The following ZKSCAN1 variants were observed in gnomAD, a reference collection of about 807,000 sequenced individuals.
The protein encoded by ZKSCAN1 is zinc finger protein with KRAB and SCAN domains 1.
A neutral mutation model predicts 51.6 loss-of-function variants in ZKSCAN1; 14 were observed. The ratio of observed to expected loss-of-function variants is 0.27; its 90% CI spans 0.18 to 0.42. ZKSCAN1 has a LOEUF of 0.42. Among genes scored for constraint, ZKSCAN1 ranks in the 10% least tolerant of loss-of-function variants. The pLI is 1.00. For missense variants in ZKSCAN1, 531 were observed against 710.0 expected (o/e 0.75, Z 2.86); for synonymous variants, 263 against 261.5 (o/e 1.01, Z -0.06).
chr7:100,022,162 C>T (rs997483157), intron 1 of ZKSCAN1, among the ~76,000 whole-genome samples: 1 of 152,220 alleles, frequency 6.6e-6, no homozygotes, highest in Non-Finnish European at 1.5e-5. Context: ...TCAAGTGATT[C>T]TCCTTCCTCA....
intron 1 of ZKSCAN1, among the ~76,000 whole-genome samples, chr7:100,017,267 G>C (rs1324994834): frequency 6.6e-6 from 1 of 151,924 alleles, no homozygotes; most frequent in Non-Finnish European, 1.5e-5. Context: ...CTGTCGCCCA[G>C]GCTGGAGTGC....
At chr7:100,016,365 G>C (rs1475681757) in intron 1 of ZKSCAN1, among the ~76,000 whole-genome samples, 1 of 152,096 alleles carries the variant, frequency 6.6e-6, no homozygotes. Flanking sequence ...TGCTTTGAAG[G>C]CTTTGGAAAA....
chr7:100,030,416 G>A (rs1183958452), intron 5 of ZKSCAN1, 41 bp downstream of exon 5: 5 of 1,588,598 alleles, frequency 3.1e-6, no homozygotes, highest in Non-Finnish European at 4.3e-6. Flanking sequence ...AGATGGTTTT[G>A]TCTCTCTGTG....
Position 100,023,725 on chromosome 7 carries a change from T to G in ZKSCAN1, c.219T>G (p.Ala73=). The change falls in exon 2 of 6, where the codon GCT becomes GCG. Residue 73 remains alanine, a synonymous_variant. Coordinates refer to ENST00000324306, the MANE Select transcript of ZKSCAN1 (RefSeq NM_003439.4). ...AGAACACTTTTGGGCCCCGAGAGGC[T>G]CTCAGTCGGCTGAAGGAACTTTGTC... The part of the protein sequence containing the change: ...CYQNTFGPRE[A]LSRLKELCHQ... 6.2e-7 allele frequency: 1 copy of G among 1,614,174 alleles called. No homozygotes were observed. Among genetic ancestry groups the G allele is most frequent in the Middle Eastern group, 1.7e-4 (1 of 6,060 alleles).
At position 100,040,705 on chromosome 7, in the gene ZKSCAN1, TAGG is replaced by T; in HGVS notation, c.*6512_*6514del. On this transcript the variant is annotated 3_prime_UTR_variant, in exon 6 of 6. Transcript: ENST00000324306. ...ACACTCCAGGCTGAGAAAGAGTAAT[TAGG>T]AGGCCTGAGGAGGGGCCGAGGAAAG... is the stretch of plus-strand genomic sequence containing the variant. 1 of 985,352 alleles carries T rather than the reference TAGG, an allele frequency of 1.0e-6. No individual in the cohort carries two copies. The allele number at this position is 985,352 out of a possible 1,614,324, so 61.0% of individuals were successfully genotyped here.
downstream of ZKSCAN1, among the ~76,000 whole-genome samples, chr7:100,044,420 C>T (rs1028828439): frequency 6.6e-6 from 1 of 152,096 alleles, no homozygotes; most frequent in African/African-American, 2.4e-5. Flanking sequence ...GTAATCCCAG[C>T]ACTTTGGGAG....
At position 100,038,823 on chromosome 7, in the gene ZKSCAN1, G is replaced by A. The variant is rs1444367749; in HGVS notation, c.*4626G>A. The A allele has an allele frequency of 2.3e-5, 17 of 744,250 alleles. No homozygotes were observed. The highest frequency in any genetic ancestry group is 1.3e-4 in the Admixed American group (2 of 15,960). The allele number at this position is 744,250 out of a possible 1,614,324, so 46.1% of individuals were successfully genotyped here. On this transcript the variant is annotated 3_prime_UTR_variant, in exon 6 of 6. Transcript: ENST00000324306. Reference sequence around the variant, plus strand: ...ATCCTGGCTAACATGGCGAAACCCCGTCTCTACTAAAAATACAAAAAAATA... The same window carrying A: ...ATCCTGGCTAACATGGCGAAACCCCATCTCTACTAAAAATACAAAAAAATA...
At chr7:100,016,550 A>G (rs1018466916) in intron 1 of ZKSCAN1, among the ~76,000 whole-genome samples, 17 of 152,204 alleles carry the variant, frequency 1.1e-4, no homozygotes, top group Non-Finnish European at 2.9e-5. Context: ...TTTCGTCATC[A>G]ATAAAAACTA....
rs909707412 is a variant in ZKSCAN1 at position 100,040,461 on chromosome 7, G to A, written c.*6264G>A. The A allele has an allele frequency of 2.0e-6, 2 of 985,440 alleles. No individual in the cohort carries two copies. The allele number at this position is 985,440 out of a possible 1,614,324, so 61.0% of individuals were successfully genotyped here. A position where few individuals can be genotyped will look rare whatever the true frequency, so the allele number is the denominator to read the frequency against. On this transcript the variant is annotated 3_prime_UTR_variant, in exon 6 of 6. Transcript: ENST00000324306. Reference sequence around the variant, plus strand: ...CTTCAGCAAGCACTCATTAAGGAGTGAGGCTGAGTATTTTAAGATAGAGTG... The same window carrying A: ...CTTCAGCAAGCACTCATTAAGGAGTAAGGCTGAGTATTTTAAGATAGAGTG...
At chr7:100,016,537 T>A (rs1790373444) in intron 1 of ZKSCAN1, among the ~76,000 whole-genome samples, 1 of 152,176 alleles carries the variant, frequency 6.6e-6, no homozygotes, top group Non-Finnish European at 1.5e-5. Flanking sequence ...CACCAAGTCT[T>A]AATTTCGTCA....
intron 1 of ZKSCAN1, among the ~76,000 whole-genome samples, chr7:100,016,342 C>G (rs1234835138): frequency 6.6e-6 from 1 of 152,072 alleles, no homozygotes; most frequent in Non-Finnish European, 1.5e-5. Flanking sequence ...CCCACTCTTT[C>G]AGCTTGATGG....
chr7:100,044,517 AAAAAT>A (rs1358255660), downstream of ZKSCAN1, among the ~76,000 whole-genome samples: 3 of 151,888 alleles, frequency 2.0e-5, no homozygotes, highest in Non-Finnish European at 4.4e-5. Flanking sequence ...AAAAATACAA[AAAAAT>A]AAAATAAAAT....
rs555827437 is a variant in ZKSCAN1 at position 100,033,079 on chromosome 7, G to A, written c.800-226G>A. 1.9e-3 allele frequency among the ~76,000 whole-genome samples: 286 copies of A among 152,190 alleles called. 1 individual carries two copies. The highest frequency in any genetic ancestry group is 3.4e-3 in the Middle Eastern group (1 of 294). On this transcript the variant is annotated intron_variant, in intron 5 of 5. Transcript: ENST00000324306. The surrounding 1 kb of genome is among the most constrained non-coding windows in gnomAD (Gnocchi z 4.1). ...CCCAGCTACTTGGGAGGCTGAGGCA[G>A]GAGAATCACTTGAACCTGGGAGGCG...
intron 1 of ZKSCAN1, among the ~76,000 whole-genome samples, chr7:100,020,825 C>CA (rs1341041069): frequency 6.6e-6 from 1 of 152,140 alleles, no homozygotes; most frequent in Non-Finnish European, 1.5e-5. Context: ...TCTAAAACTT[C>CA]AATTTGATGC....
At chr7:100,018,891 A>C (rs1257957112) in intron 1 of ZKSCAN1, among the ~76,000 whole-genome samples, 1 of 152,138 alleles carries the variant, frequency 6.6e-6, no homozygotes, top group Non-Finnish European at 1.5e-5. Context: ...GGGCAGAGGG[A>C]ATGTGCCCAT....
chr7:100,033,172 A>G lies in ZKSCAN1; in HGVS notation c.800-133A>G. On this transcript the variant is annotated intron_variant, in intron 5 of 5. Transcript: ENST00000324306. This position sits in a 1 kb window ranked among gnomAD's most constrained non-coding sequence, Gnocchi z 4.1. ...GGGCGACAGAGCGAGACTCTGTCTC[A>G]AAGGAAATAAAAATAAAAATATTGC... is the stretch of plus-strand genomic sequence containing the variant. 7.1e-7 allele frequency: 1 copy of G among 1,417,380 alleles called. No individual in the cohort carries two copies. The highest frequency in any genetic ancestry group is 2.5e-5 in the East Asian group (1 of 39,862). 87.8% of individuals were successfully genotyped at this position (1,417,380 alleles called of 1,614,324 possible).
chr7:100,017,877 A>G (rs1376951132), intron 1 of ZKSCAN1, among the ~76,000 whole-genome samples: 3 of 152,200 alleles, frequency 2.0e-5, no homozygotes, highest in Non-Finnish European at 4.4e-5. Flanking sequence ...AGCTTTCACT[A>G]TTACAGGAGT....
intron 1 of ZKSCAN1, among the ~76,000 whole-genome samples, chr7:100,022,548 G>A (rs1273561852): frequency 6.6e-6 from 1 of 152,070 alleles, no homozygotes; most frequent in Non-Finnish European, 1.5e-5. Context: ...TATCCTTTGC[G>A]GATCATCTTG....
chr7:100,023,517 C>T lies in ZKSCAN1; in HGVS notation c.11C>T (p.Ala4Val). The change falls in exon 2 of 6, where the codon GCT (alanine) becomes GTT (valine). Residue 4 changes from alanine to valine, a missense_variant. Ala to Val is a moderately conservative substitution (Grantham distance 64). This residue lies in a region of ZKSCAN1 where 403 missense variants were observed against 490.5 expected (regional missense o/e 0.82). Coordinates refer to ENST00000324306, the MANE Select transcript of ZKSCAN1 (RefSeq NM_003439.4). MMT[A>V]ESREATGLSP... ...GTTCCTGGAGCCTGAATGATGACTG[C>T]TGAATCACGGGAAGCCACGGGTCTG... 6.2e-7 allele frequency: 1 copy of T among 1,610,316 alleles called. No homozygotes were observed. The highest frequency in any genetic ancestry group is 8.5e-7 in the Non-Finnish European group (1 of 1,178,652).
Sources: gnomAD v4.1 joint callset for allele counts (sites outside exome capture counted in the v4.1 genomes callset) on GRCh38, gnomAD v4.1.1 for gene constraint, gnomAD v4.1.1 regional missense constraint, Gnocchi (gnomAD v3.1) non-coding constraint, MANE v1.5 for transcripts, NCBI Gene and HGNC (gene_info 2026-07-23, HGNC 2026-07-21) for gene names.